The following RASEF variants were observed in gnomAD, a reference collection of about 807,000 sequenced individuals.
RASEF encodes ras and EF-hand domain-containing protein.
A neutral mutation model predicts 90.1 loss-of-function variants in RASEF; 68 were observed. The ratio of observed to expected loss-of-function variants is 0.75; its 90% CI spans 0.62 to 0.92. The LOEUF is 0.92. RASEF is among the 40% of genes least tolerant of loss of function. The pLI, the probability that RASEF is intolerant of heterozygous loss-of-function variation, is 0.00. For missense variants in RASEF, 949 were observed against 937.2 expected (o/e 1.01, Z -0.16); for synonymous variants, 331 against 345.2 (o/e 0.96, Z 0.46).
chr9:83,004,086 T>C (rs1587486813), intron 9 of RASEF, among the ~76,000 whole-genome samples: 6 of 152,200 alleles, frequency 3.9e-5, no homozygotes, highest in Admixed American at 3.9e-4. Flanking sequence ...AGTTTCCCTT[T>C]TCTGCAACAT....
chr9:83,019,972 T>C (rs1055505381), intron 3 of RASEF, among the ~76,000 whole-genome samples: 2 of 152,106 alleles, frequency 1.3e-5, no homozygotes, highest in Non-Finnish European at 2.9e-5. Context: ...TGAAGAAACT[T>C]CGAGGGTGGA....
rs886448561 is a variant in RASEF, at chr9:82,980,305, G to A, written c.*2372C>T. 22 of 152,108 alleles carry A rather than the reference G, an allele frequency of 1.4e-4. No individual in the cohort carries two copies. The highest frequency in any genetic ancestry group is 1.2e-3 in the Admixed American group (19 of 15,268). 9.4% of individuals were successfully genotyped at this position (152,108 alleles called of 1,614,324 possible). A position where few individuals can be genotyped will look rare whatever the true frequency, so the allele number is the denominator to read the frequency against. On this transcript the variant is annotated 3_prime_UTR_variant, in exon 17 of 17. Transcript: ENST00000376447. ...GAGAACACCTTCATGAAATCAAAAC[G>A]TTGGTAATAATCATGAATCTCCCAG...
chr9:83,029,664 C>T (rs1024613655), intron 1 of RASEF, among the ~76,000 whole-genome samples: 1 of 151,268 alleles, frequency 6.6e-6, no homozygotes, highest in African/African-American at 2.4e-5. Context: ...ACCCACCTCG[C>T]CCTCCCAAAG....
At chr9:83,109,207 T>C in the RASEF span, among the ~76,000 whole-genome samples, 1 of 152,196 alleles carries the variant, frequency 6.6e-6, no homozygotes, top group African/African-American at 2.4e-5. Context: ...CCGTGGTGCC[T>C]TGCACATTGT....
chr9:83,057,852 T>TATATATATATATATTCATATATAC (rs1830128711), intron 1 of RASEF, among the ~76,000 whole-genome samples: 3 of 27,936 alleles, frequency 1.1e-4, no homozygotes, highest in Admixed American at 4.9e-4. Flanking sequence ...TATACATATA[T>TATATATATATATATTCATATATAC]ATATATATAT....
At chr9:83,074,715 C>T in the RASEF span, among the ~76,000 whole-genome samples, 2 of 152,278 alleles carry the variant, frequency 1.3e-5, no homozygotes, top group Non-Finnish European at 2.9e-5. Context: ...GCCTGCAAAG[C>T]CTGAAATAGT....
chr9:82,991,115 T>TC (rs1198764085), intron 15 of RASEF, among the ~76,000 whole-genome samples: 23 of 151,932 alleles, frequency 1.5e-4, no homozygotes, highest in Admixed American at 5.9e-4. Context: ...ACCTCACTCA[T>TC]CCCCCACTCA....
the RASEF span, among the ~76,000 whole-genome samples, chr9:83,138,904 G>T: frequency 6.6e-6 from 1 of 151,792 alleles, no homozygotes; most frequent in Admixed American, 6.6e-5. Context: ...TCTCCTCCCA[G>T]ATTAAAAAAA....
the RASEF span, among the ~76,000 whole-genome samples, chr9:83,192,268 C>A: frequency 6.6e-6 from 1 of 152,136 alleles, no homozygotes. Context: ...ATATTCACTG[C>A]AGCACTATTC....
chr9:83,168,875 T>A, the RASEF span, among the ~76,000 whole-genome samples: 2 of 152,110 alleles, frequency 1.3e-5, no homozygotes, highest in African/African-American at 4.8e-5. Flanking sequence ...TTTTGAAATA[T>A]GCAATAAATT....
the RASEF span, among the ~76,000 whole-genome samples, chr9:83,197,553 G>A: frequency 4.6e-5 from 7 of 152,036 alleles, no homozygotes; most frequent in East Asian, 7.7e-4. Flanking sequence ...TGAATGGCTG[G>A]TGCCATTCAA....
the RASEF span, among the ~76,000 whole-genome samples, chr9:83,131,599 T>C: frequency 9.9e-5 from 15 of 152,198 alleles, no homozygotes; most frequent in Non-Finnish European, 2.1e-4. Context: ...GGCAAAGATT[T>C]TCCAGGGCCA....
chr9:83,136,392 G>T, the RASEF span, among the ~76,000 whole-genome samples: 2 of 152,050 alleles, frequency 1.3e-5, no homozygotes, highest in African/African-American at 2.4e-5. Context: ...TGTAGAAATA[G>T]ATATTGAATA....
chr9:83,061,195 G>A (rs1461615502), intron 1 of RASEF, among the ~76,000 whole-genome samples: 2 of 152,144 alleles, frequency 1.3e-5, no homozygotes, highest in Non-Finnish European at 2.9e-5. Context: ...TAACTCATTT[G>A]TAAATAACAG....
the RASEF span, among the ~76,000 whole-genome samples, chr9:83,123,420 C>T: frequency 2.0e-5 from 3 of 152,260 alleles, no homozygotes; most frequent in South Asian, 2.1e-4. Context: ...ACCTGCCTTG[C>T]TGTTCCCATC....
upstream of RASEF, chr9:83,063,213 G>T: frequency 3.7e-6 from 1 of 273,064 alleles, no homozygotes; most frequent in Non-Finnish European, 6.8e-6. Flanking sequence ...CAGGGAGGAG[G>T]AGCGCGCGCC....
the RASEF span, among the ~76,000 whole-genome samples, chr9:83,091,988 CTTTTTCTTTTATTTCTTTTTTTT>C: frequency 6.6e-5 from 2 of 30,076 alleles, no homozygotes; most frequent in South Asian, 3.0e-3. Flanking sequence ...TTTTTATATT[CTTTTTCTTTTATTTCTTTTTTTT>C]TTTTTTTTTT....
the RASEF span, among the ~76,000 whole-genome samples, chr9:83,123,239 A>G: frequency 6.8e-6 from 1 of 147,348 alleles, no homozygotes; most frequent in Non-Finnish European, 1.5e-5. Context: ...GACTCCATCA[A>G]AAAAAAAAAA....
the RASEF span, among the ~76,000 whole-genome samples, chr9:83,095,837 C>G: frequency 6.6e-6 from 1 of 152,022 alleles, no homozygotes; most frequent in Non-Finnish European, 1.5e-5. Flanking sequence ...ATAACTAATT[C>G]ATGATCCCTT....
Sources: gnomAD v4.1 joint callset for allele counts (sites outside exome capture counted in the v4.1 genomes callset) on GRCh38, gnomAD v4.1.1 for gene constraint, MANE v1.5 for transcripts, NCBI Gene and HGNC (gene_info 2026-07-23, HGNC 2026-07-21) for gene names.